The following PXDNL variants were observed in gnomAD, a reference collection of about 807,000 sequenced individuals.
The protein encoded by PXDNL is peroxidasin like.
A neutral mutation model predicts 150.8 loss-of-function variants in PXDNL; 145 were observed. That is an observed-to-expected ratio of 0.96 (90% confidence interval 0.84 to 1.10). PXDNL has a LOEUF of 1.10. PXDNL is among the 50% of genes least tolerant of loss of function. The pLI is 0.00. For missense variants in PXDNL, 2,087 were observed against 1,873.9 expected (o/e 1.11, Z -2.10); for synonymous variants, 757 against 725.7 (o/e 1.04, Z -0.69).
chr8:51,801,610 C>T (rs1489173831), intron 1 of PXDNL, among the ~76,000 whole-genome samples: 25 of 152,116 alleles, frequency 1.6e-4, no homozygotes, highest in Admixed American at 1.6e-3. Context: ...CTCAGACTGG[C>T]TGACACTTAG....
At chr8:51,751,770 T>C (rs895317232) in intron 1 of PXDNL, among the ~76,000 whole-genome samples, 3 of 152,196 alleles carry the variant, frequency 2.0e-5, no homozygotes, top group Admixed American at 1.3e-4. Flanking sequence ...CAGTCCTCAA[T>C]AATCCTAAAA....
chr8:51,730,219 G>GATT (rs35130939), intron 1 of PXDNL, among the ~76,000 whole-genome samples: 44 of 151,796 alleles, frequency 2.9e-4, no homozygotes, highest in African/African-American at 1.0e-3. Flanking sequence ...GATGGCATAT[G>GATT]GGCCCTCTCT....
intron 1 of PXDNL, among the ~76,000 whole-genome samples, chr8:51,696,652 CACATCCACACACA>C (rs1816134037): frequency 9.6e-5 from 1 of 10,366 alleles, no homozygotes. Flanking sequence ...CACATCCACA[CACATCCACACACA>C]GGTCCACACA....
At chr8:51,377,831 C>T (rs571404061) in intron 17 of PXDNL, among the ~76,000 whole-genome samples, 3 of 152,328 alleles carry the variant, frequency 2.0e-5, no homozygotes, top group Admixed American at 2.0e-4. Flanking sequence ...GCCCCAGCCT[C>T]CCGGAGGAGC....
chr8:51,486,772 ATATATATATATATATATATATATTTTT>A (rs1481348443), intron 5 of PXDNL, among the ~76,000 whole-genome samples: 3 of 7,998 alleles, frequency 3.8e-4, no homozygotes, highest in African/African-American at 7.7e-4. Flanking sequence ...ATATATATAT[ATATATATATATATATATATATATTTTT>A]TTTTTTTTTT....
At chr8:51,522,455 T>C (rs1450496145) in intron 4 of PXDNL, among the ~76,000 whole-genome samples, 2 of 152,216 alleles carry the variant, frequency 1.3e-5, no homozygotes, top group Non-Finnish European at 2.9e-5. Flanking sequence ...GAAAAACTTA[T>C]AGTAGAGTAG....
At position 51,399,831 on chromosome 8, in the gene PXDNL, G is replaced by A. The variant is rs1020197418; in HGVS notation, c.3557+8236C>T. Among the ~76,000 whole-genome samples the A allele has an allele frequency of 3.5e-4, 54 of 152,162 alleles. 1 individual carries two copies. Among genetic ancestry groups the A allele is most frequent in the Admixed American group, 6.5e-5 (1 of 15,284 alleles). On this transcript the variant is annotated intron_variant, in intron 17 of 22. Coordinates refer to ENST00000356297, the MANE Select transcript of PXDNL (RefSeq NM_144651.5). ...TTGCATTCAGATGTATACTCTGGTG[G>A]TAAAATAGAATTTAGAAGTGAAATA...
chr8:51,743,934 A>AGGAAGGAAGGAAGGAAGGAAGGAAGGAG (rs1213172670), intron 1 of PXDNL, among the ~76,000 whole-genome samples: 1 of 39,474 alleles, frequency 2.5e-5, no homozygotes, highest in South Asian at 1.2e-3. Flanking sequence ...GAAGGAAGGA[A>AGGAAGGAAGGAAGGAAGGAAGGAAGGAG]GGAAGGAGAG....
At chr8:51,711,016 A>G (rs73580286) in intron 1 of PXDNL, among the ~76,000 whole-genome samples, 5,678 of 152,316 alleles carry the variant, frequency 0.037, 339 homozygotes, top group African/African-American at 0.12. Flanking sequence ...AATCCAGAGA[A>G]ATCAGGTAAG....
chr8:51,458,257 A>C (rs1809981114), intron 8 of PXDNL, among the ~76,000 whole-genome samples: 1 of 152,234 alleles, frequency 6.6e-6, no homozygotes, highest in South Asian at 2.1e-4. Flanking sequence ...TTTATCAATT[A>C]AGTGCATAAT....
chr8:51,809,133 A>G (rs1217845466), intron 1 of PXDNL, 48 bp downstream of exon 1: 3 of 1,594,878 alleles, frequency 1.9e-6, no homozygotes, highest in African/African-American at 2.7e-5. Context: ...GCAGAGAAGC[A>G]ATGAAGCATT....
At chr8:51,475,259 C>A in intron 6 of PXDNL, 118 bp from the exon 7 acceptor site, 1 of 971,406 alleles carries the variant, frequency 1.0e-6, no homozygotes, top group Non-Finnish European at 1.5e-6. Flanking sequence ...ATTTTTGACT[C>A]CAGGATTCTA....
At chr8:51,613,493 G>C (rs1004979481) in intron 2 of PXDNL, among the ~76,000 whole-genome samples, 2 of 118,606 alleles carry the variant, frequency 1.7e-5, no homozygotes, top group African/African-American at 6.3e-5. Context: ...GCGGGGGGGG[G>C]GCAGGGCGGC....
Position 51,339,271 on chromosome 8 carries a change from C to A in PXDNL, c.4146+353G>T, listed in dbSNP as rs191842990. ...GTCCAGGAGTTCAAGACCAGCCTGG[C>A]CAACATGGCCAAACCCCATCTCTAC... is the stretch of plus-strand genomic sequence containing the variant. On this transcript the variant is annotated intron_variant, in intron 21 of 22. Coordinates refer to ENST00000356297, the MANE Select transcript of PXDNL (RefSeq NM_144651.5). Among the ~76,000 whole-genome samples the A allele has an allele frequency of 3.9e-3, 596 of 152,290 alleles. 2 individuals are homozygous for A. The highest frequency in any genetic ancestry group is 7.0e-3 in the Non-Finnish European group (475 of 68,010).
At chr8:51,452,034 CA>C (rs1809819216) in intron 10 of PXDNL, among the ~76,000 whole-genome samples, 1 of 152,062 alleles carries the variant, frequency 6.6e-6, no homozygotes, top group South Asian at 2.1e-4. Flanking sequence ...TAAAGGTTAC[CA>C]GAGTTCTGTT....
intron 19 of PXDNL, among the ~76,000 whole-genome samples, chr8:51,348,778 C>T (rs183317572): frequency 1.3e-5 from 2 of 152,152 alleles, no homozygotes; most frequent in Non-Finnish European, 2.9e-5. Flanking sequence ...CTATTGTTAA[C>T]CTGAGGCACA....
chr8:51,676,608 C>G (rs2130838694), intron 1 of PXDNL, among the ~76,000 whole-genome samples: 1 of 152,230 alleles, frequency 6.6e-6, no homozygotes, highest in South Asian at 2.1e-4. Context: ...TCCTCCCTAT[C>G]CTGTTCTCCA....
At chr8:51,772,752 C>T (rs1300670399) in intron 1 of PXDNL, among the ~76,000 whole-genome samples, 1 of 152,160 alleles carries the variant, frequency 6.6e-6, no homozygotes, top group African/African-American at 2.4e-5. Context: ...TGGGTCTGTC[C>T]TGCAAAGGTC....
intron 2 of PXDNL, among the ~76,000 whole-genome samples, chr8:51,611,856 T>C (rs1057295047): frequency 6.6e-6 from 1 of 152,152 alleles, no homozygotes; most frequent in Non-Finnish European, 1.5e-5. Flanking sequence ...GGGAACTGTC[T>C]GCGGAGTAGG....
Sources: allele counts gnomAD v4.1 joint callset (sites outside exome capture counted in the v4.1 genomes callset), GRCh38; gene constraint gnomAD v4.1.1; transcripts MANE v1.5; gene names NCBI Gene and HGNC (gene_info 2026-07-23, HGNC 2026-07-21).